The following TENM3 variants were observed in gnomAD, a reference collection of about 807,000 sequenced individuals.
The protein encoded by TENM3 is teneurin transmembrane protein 3.
A neutral mutation model predicts 255.1 loss-of-function variants in TENM3; 63 were observed. That is an observed-to-expected ratio of 0.25 (90% confidence interval 0.20 to 0.30). TENM3 has a LOEUF of 0.30. Ranked by LOEUF, TENM3 falls within the 10% of genes least tolerant of loss-of-function variation. TENM3 has a pLI of 1.00. For missense variants in TENM3, 2,929 were observed against 3,461.1 expected, an observed-to-expected ratio of 0.85 and a Z score of 3.86; for synonymous variants, 1,306 against 1,322.3, an observed-to-expected ratio of 0.99 and a Z score of 0.27.
intron 3 of TENM3, among the ~76,000 whole-genome samples, chr4:182,564,770 T>G (rs1055935371): frequency 1.3e-5 from 2 of 152,202 alleles, no homozygotes; most frequent in African/African-American, 4.8e-5. Context: ...TGGTAGTTGA[T>G]CTGCAGTAAC....
At chr4:182,444,735 T>C (rs1359508876) in intron 3 of TENM3, among the ~76,000 whole-genome samples, 1 of 152,190 alleles carries the variant, frequency 6.6e-6, no homozygotes, top group Non-Finnish European at 1.5e-5. Context: ...TTTCCAAATC[T>C]TTGGTGGGGC....
chr4:182,606,271 C>G (rs1022234927), intron 4 of TENM3, among the ~76,000 whole-genome samples: 17 of 152,230 alleles, frequency 1.1e-4, no homozygotes, highest in South Asian at 2.1e-4. Context: ...CGCCTGTAAT[C>G]CCAGCACTTT....
rs562046356 is a variant in TENM3, at chr4:182,380,037, G to A, written c.511+33108G>A. On this transcript the variant is annotated intron_variant, in intron 3 of 27. Coordinates refer to ENST00000511685, the MANE Select transcript of TENM3 (RefSeq NM_001080477.4). ...TAATCCCAGCACTTTGGGAGGCCAA[G>A]GCGGGCGGATCACCTGAGGTCAGGA... Among the ~76,000 whole-genome samples, 28 of 152,300 alleles carry A rather than the reference G, an allele frequency of 1.8e-4. No homozygotes were observed. In the East Asian group the frequency reaches 5.4e-3, roughly 29 times the overall value.
intron 1 of TENM3, among the ~76,000 whole-genome samples, chr4:182,234,014 T>C (rs952443107): frequency 6.6e-6 from 1 of 152,158 alleles, no homozygotes; most frequent in East Asian, 1.9e-4. Flanking sequence ...GTGACACGAG[T>C]GGTTGATTCC....
At chr4:182,594,219 G>C (rs945142537) in intron 3 of TENM3, among the ~76,000 whole-genome samples, 2 of 151,814 alleles carry the variant, frequency 1.3e-5, no homozygotes, top group Non-Finnish European at 2.9e-5. Flanking sequence ...TTGCTGTGTT[G>C]CTCAATCTGG....
At chr4:182,328,275 G>A (rs1763536158) in intron 2 of TENM3, among the ~76,000 whole-genome samples, 4 of 152,120 alleles carry the variant, frequency 2.6e-5, no homozygotes, top group East Asian at 3.9e-4. Flanking sequence ...GAGTGAAATG[G>A]CATGATCTCG....
intron 27 of TENM3, among the ~76,000 whole-genome samples, chr4:182,797,941 CA>C (rs1766616300): frequency 1.3e-5 from 2 of 152,074 alleles, no homozygotes; most frequent in Non-Finnish European, 2.9e-5. Context: ...ATTCCTTTTT[CA>C]TAAGTTACAA....
chr4:182,321,349 G>C (rs1045709216), intron 1 of TENM3, among the ~76,000 whole-genome samples: 4 of 152,156 alleles, frequency 2.6e-5, no homozygotes, highest in African/African-American at 9.7e-5. Flanking sequence ...CTTGGGGCCG[G>C]GCGCGGTGGC....
At chr4:182,381,974 T>C (rs1767606590) in intron 3 of TENM3, among the ~76,000 whole-genome samples, 1 of 152,208 alleles carries the variant, frequency 6.6e-6, no homozygotes, top group Non-Finnish European at 1.5e-5. Context: ...GAGTGAGTAT[T>C]GCTGACATTG....
At chr4:182,176,748 A>C (rs1427034807) in intron 1 of TENM3, among the ~76,000 whole-genome samples, 1 of 151,072 alleles carries the variant, frequency 6.6e-6, no homozygotes, top group Non-Finnish European at 1.5e-5. Flanking sequence ...GCTCACTGCA[A>C]CCTCCTAGGT....
the TENM3 span, among the ~76,000 whole-genome samples, chr4:181,551,356 G>T: frequency 6.6e-6 from 1 of 152,118 alleles, no homozygotes. Flanking sequence ...CACAATTTGA[G>T]GCAGATACAC....
intron 17 of TENM3, among the ~76,000 whole-genome samples, 155 bp downstream of exon 17, chr4:182,737,230 C>T (rs1030692033): frequency 4.6e-5 from 7 of 151,964 alleles, no homozygotes; most frequent in African/African-American, 1.7e-4. Flanking sequence ...TTAGATCTAC[C>T]GTGGGAAAAG....
the TENM3 span, among the ~76,000 whole-genome samples, chr4:181,614,800 G>A: frequency 7.9e-5 from 12 of 152,308 alleles, no homozygotes; most frequent in Non-Finnish European, 1.5e-4. Context: ...AATTAACTTT[G>A]CAGCCATAAG....
At chr4:182,471,893 T>A (rs1733157206) in intron 3 of TENM3, among the ~76,000 whole-genome samples, 1 of 152,112 alleles carries the variant, frequency 6.6e-6, no homozygotes, top group African/African-American at 2.4e-5. Context: ...GCAAAGGTAA[T>A]TAAGATGGTG....
chr4:182,432,895 C>T (rs1465696282), intron 3 of TENM3, among the ~76,000 whole-genome samples: 2 of 53,870 alleles, frequency 3.7e-5, no homozygotes, highest in African/African-American at 5.9e-5. Flanking sequence ...CTATGTTGGC[C>T]AGGCTGGTCT....
intron 1 of TENM3, among the ~76,000 whole-genome samples, chr4:182,298,697 G>T (rs897466921): frequency 3.9e-5 from 6 of 152,166 alleles, no homozygotes; most frequent in Admixed American, 1.3e-4. Context: ...ATGGGATCGG[G>T]CATGGTGGCT....
At chr4:182,248,949 A>G (rs904453473) in intron 1 of TENM3, among the ~76,000 whole-genome samples, 1 of 152,262 alleles carries the variant, frequency 6.6e-6, no homozygotes, top group African/African-American at 2.4e-5. Flanking sequence ...TAGCAATAGG[A>G]CAATAACATA....
At chr4:182,770,032 G>T (rs1401632015) in intron 22 of TENM3, among the ~76,000 whole-genome samples, 1 of 151,412 alleles carries the variant, frequency 6.6e-6, no homozygotes, top group East Asian at 1.9e-4. Context: ...CTTGAACCCA[G>T]GAGGCGGAGG....
the TENM3 span, among the ~76,000 whole-genome samples, chr4:181,470,230 A>G: frequency 1.3e-5 from 2 of 152,110 alleles, no homozygotes; most frequent in Non-Finnish European, 1.5e-5. Context: ...TCATAGAGAG[A>G]AAATAGTTTA....
Sources: allele counts gnomAD v4.1 joint callset (sites outside exome capture counted in the v4.1 genomes callset), GRCh38; gene constraint gnomAD v4.1.1; transcripts MANE v1.5; gene names NCBI Gene and HGNC (gene_info 2026-07-23, HGNC 2026-07-21).